Variants in RSF1 observed in about 807,000 individuals in gnomAD.
RSF1 encodes remodeling and spacing factor 1, also known as HBV pX-associated protein 8.
RSF1 carries 13 observed loss-of-function variants against 145.2 expected under a neutral mutation model. That is an observed-to-expected ratio of 0.09 (90% CI 0.06 to 0.14). RSF1 has a LOEUF of 0.14. Ranked by LOEUF, RSF1 falls within the 10% of genes least tolerant of loss-of-function variation. The pLI, the probability that RSF1 is intolerant of heterozygous loss-of-function variation, is 1.00. For synonymous variants in RSF1, 577 were observed against 592.6 expected, an observed-to-expected ratio of 0.97 and a Z score of 0.38; for missense variants, 1,517 against 1,718.2, an observed-to-expected ratio of 0.88 and a Z score of 2.07.
intron 1 of RSF1, among the ~76,000 whole-genome samples, chr11:77,772,439 GC>G (rs1948295647): frequency 6.6e-6 from 1 of 152,120 alleles, no homozygotes. Flanking sequence ...CTCCCAAAGT[GC>G]TGGGATTACA....
chr11:77,732,921 T>C (rs2135897901), intron 4 of RSF1, among the ~76,000 whole-genome samples: 1 of 152,364 alleles, frequency 6.6e-6, no homozygotes, highest in Admixed American at 6.5e-5. Context: ...TATGTGCTTC[T>C]TTCACATACA....
At chr11:77,694,075 G>A (rs951223124) in intron 7 of RSF1, among the ~76,000 whole-genome samples, 2 of 151,890 alleles carry the variant, frequency 1.3e-5, no homozygotes, top group Admixed American at 1.3e-4. Flanking sequence ...GAGCCACCGC[G>A]CCCAGCCCAT....
the RSF1 span, among the ~76,000 whole-genome samples, chr11:77,836,452 C>T: frequency 6.6e-5 from 10 of 152,062 alleles, no homozygotes; most frequent in African/African-American, 2.4e-4. Flanking sequence ...CATTTCCAAG[C>T]CAAAAAGGCC....
chr11:77,722,263 C>T (rs1960958578), intron 5 of RSF1, among the ~76,000 whole-genome samples: 1 of 152,208 alleles, frequency 6.6e-6, no homozygotes, highest in Non-Finnish European at 1.5e-5. Flanking sequence ...CCATCCCTCA[C>T]AGACCATTTT....
intron 14 of RSF1, among the ~76,000 whole-genome samples, chr11:77,674,036 T>C (rs1959626543): frequency 6.6e-6 from 1 of 152,196 alleles, no homozygotes; most frequent in Non-Finnish European, 1.5e-5. Context: ...AAAATTTGAA[T>C]GTGTACTGTT....
chr11:77,870,707 T>G, the RSF1 span, among the ~76,000 whole-genome samples: 2 of 152,294 alleles, frequency 1.3e-5, no homozygotes, highest in South Asian at 4.1e-4. Flanking sequence ...TGCAGAAATG[T>G]AGAAGTAAAA....
At chr11:77,849,855 C>T in the RSF1 span, among the ~76,000 whole-genome samples, 1 of 152,146 alleles carries the variant, frequency 6.6e-6, no homozygotes, top group South Asian at 2.1e-4. Flanking sequence ...TGCATTATCT[C>T]CTCTATGAAG....
chr11:77,732,173 A>G (rs1483734752), intron 4 of RSF1, among the ~76,000 whole-genome samples: 1 of 152,170 alleles, frequency 6.6e-6, no homozygotes. Flanking sequence ...GTCAAAAGAG[A>G]TGATTTTGGG....
At chr11:77,736,431 A>G (rs1590858555) in intron 4 of RSF1, among the ~76,000 whole-genome samples, 1 of 152,342 alleles carries the variant, frequency 6.6e-6, no homozygotes, top group African/African-American at 2.4e-5. Context: ...TCAAACAGAA[A>G]TACCATGCTC....
At chr11:77,760,430 T>G (rs1304176993) in intron 2 of RSF1, among the ~76,000 whole-genome samples, 1 of 152,196 alleles carries the variant, frequency 6.6e-6, no homozygotes, top group Admixed American at 6.5e-5. Context: ...TGATACTGAT[T>G]GATAACAGAT....
the RSF1 span, among the ~76,000 whole-genome samples, chr11:77,851,731 G>A: frequency 6.6e-6 from 1 of 151,994 alleles, no homozygotes; most frequent in Non-Finnish European, 1.5e-5. Flanking sequence ...CCCACTTCAC[G>A]TTCTGCCATG....
In RSF1 at chr11:77,666,405, C is replaced by G. The variant is rs571190466; in HGVS notation, c.*512G>C. ...AATGACTTATGTATGATGTTATCTA[C>G]AATTCTCAAACTGTAACAGTACAGA... On this transcript the variant is annotated 3_prime_UTR_variant, in exon 16 of 16. Transcript: ENST00000308488. 6.6e-6 allele frequency: 1 copy of G among 152,658 alleles called. No individual in the cohort carries two copies. The highest frequency in any genetic ancestry group is 1.5e-5 in the Non-Finnish European group (1 of 68,022). The allele number at this position is 152,658 out of a possible 1,614,324, so 9.5% of individuals were successfully genotyped here.
the RSF1 span, among the ~76,000 whole-genome samples, chr11:77,827,027 C>G: frequency 6.6e-6 from 1 of 152,144 alleles, no homozygotes; most frequent in Non-Finnish European, 1.5e-5. Context: ...ATCACTTGAA[C>G]CCAGGAGGCA....
chr11:77,671,167 A>ATT (rs1565142966), intron 15 of RSF1, among the ~76,000 whole-genome samples: 2 of 99,562 alleles, frequency 2.0e-5, no homozygotes, highest in East Asian at 2.9e-4. Flanking sequence ...ATATATATAT[A>ATT]TATATATATA....
At chr11:77,794,875 A>G (rs893990341) in intron 1 of RSF1, among the ~76,000 whole-genome samples, 1 of 152,212 alleles carries the variant, frequency 6.6e-6, no homozygotes, top group Admixed American at 6.5e-5. Flanking sequence ...CAAGAGAAAG[A>G]AAGGAAAGGT....
At chr11:77,792,753 T>TAAA (rs1565182350) in intron 1 of RSF1, among the ~76,000 whole-genome samples, 16 of 138,368 alleles carry the variant, frequency 1.2e-4, no homozygotes, top group African/African-American at 4.0e-4. Flanking sequence ...AAAAAAAAAC[T>TAAA]GCCAATCAAG....
At chr11:77,685,548 G>T (rs1590828683) in intron 9 of RSF1, among the ~76,000 whole-genome samples, 1 of 152,202 alleles carries the variant, frequency 6.6e-6, no homozygotes, top group Non-Finnish European at 1.5e-5. Flanking sequence ...CACCCACCTT[G>T]ACCTCTCAAA....
chr11:77,763,606 C>G (rs1948197512), intron 2 of RSF1: 1 of 152,044 alleles, frequency 6.6e-6, no homozygotes, highest in Non-Finnish European at 1.5e-5. Flanking sequence ...CTAAACAGCG[C>G]CTGGTACATA....
intron 1 of RSF1, among the ~76,000 whole-genome samples, chr11:77,767,272 C>T (rs1948236006): frequency 6.6e-6 from 1 of 152,158 alleles, no homozygotes; most frequent in Admixed American, 6.5e-5. Flanking sequence ...CCCCTTCCCA[C>T]ATCTTAAACC....
Sources: gnomAD v4.1 joint callset for allele counts (sites outside exome capture counted in the v4.1 genomes callset) on GRCh38, gnomAD v4.1.1 for gene constraint, MANE v1.5 for transcripts, NCBI Gene and HGNC (gene_info 2026-07-23, HGNC 2026-07-21) for gene names.